Variants in TBCEL observed in about 807,000 individuals in gnomAD.
TBCEL encodes tubulin folding cofactor E like.
In TBCEL, 15 loss-of-function variants were observed where a neutral mutation model predicts 44.2. The observed-to-expected ratio is 0.34, with a 90% CI of 0.23 to 0.52. TBCEL has a LOEUF of 0.52. TBCEL is among the 20% of genes least tolerant of loss of function. The probability of loss-of-function intolerance (pLI) is 0.95; values close to 1 mark genes in which losing one functional copy is unlikely to be tolerated. For synonymous variants in TBCEL, 171 were observed against 185.4 expected, an observed-to-expected ratio of 0.92 and a Z score of 0.63; for missense variants, 319 against 506.3, an observed-to-expected ratio of 0.63 and a Z score of 3.55.
chr11:121,055,385 C>T, intron 6 of TBCEL, 77 bp downstream of exon 6: 2 of 1,374,100 alleles, frequency 1.5e-6, no homozygotes, highest in Non-Finnish European at 1.9e-6. Context: ...AAGTATATTT[C>T]TTTCAGTCAC....
chr11:121,045,859 G>T, intron 3 of TBCEL, 36 bp downstream of exon 3: 1 of 1,514,984 alleles, frequency 6.6e-7, no homozygotes, highest in Non-Finnish European at 8.8e-7. Context: ...TTATTTAGTG[G>T]AGCTTACTTA....
Position 121,027,075 on chromosome 11 carries a change from A to T in TBCEL, c.-126+2784A>T, listed in dbSNP as rs1456305712. Among the ~76,000 whole-genome samples the T allele has an allele frequency of 3.9e-5, 6 of 152,274 alleles. No homozygotes were observed. In the East Asian group the frequency reaches 1.2e-3, roughly 29 times the overall value. The stretch of plus-strand genomic sequence containing the variant: ...TTTTTTTCCTTTTCTTAGTGTGTGA[A>T]CTGTGTGACATGTATGTTGGCTACT... On this transcript the variant is annotated intron_variant, in intron 1 of 8. Transcript: ENST00000683345.
In TBCEL at chr11:121,060,011, T is replaced by C. The variant is rs1178453510; in HGVS notation, c.882T>C (p.Asp294=). The C allele has an allele frequency of 6.2e-7, 1 of 1,611,492 alleles. No individual in the cohort carries two copies. The highest frequency in any genetic ancestry group is 1.3e-5 in the African/African-American group (1 of 74,804). The part of the protein sequence containing the change: ...VSKLNGSVVT[D]GEREDSERFF... The stretch of plus-strand genomic sequence containing the variant: ...AACTTAATGGCAGCGTTGTTACTGA[T>C]GGTGAACGAGAAGATTCTGAGAGAT... The change falls in exon 8 of 9, where the codon GAT becomes GAC. Residue 294 remains aspartate (D), a synonymous_variant. Coordinates refer to ENST00000683345, the MANE Select transcript of TBCEL (RefSeq NM_001363644.2).
chr11:121,052,142 G>A, intron 4 of TBCEL, among the ~76,000 whole-genome samples: 1 of 151,650 alleles, frequency 6.6e-6, no homozygotes, highest in East Asian at 1.9e-4. Context: ...TGAGATAATG[G>A]TTCATATTAT....
chr11:121,074,982 A>C (rs930120579), intron 8 of TBCEL, among the ~76,000 whole-genome samples: 5 of 151,956 alleles, frequency 3.3e-5, no homozygotes, highest in African/African-American at 1.2e-4. Flanking sequence ...CAGAATCTTA[A>C]TGTGGATATT....
intron 6 of TBCEL, among the ~76,000 whole-genome samples, chr11:121,057,850 G>A (rs1591399440): frequency 6.6e-6 from 1 of 151,772 alleles, no homozygotes; most frequent in Non-Finnish European, 1.5e-5. Flanking sequence ...CCATGGATAC[G>A]AGGGACAGCT....
At chr11:121,028,913 C>T (rs1213361287) in intron 1 of TBCEL, among the ~76,000 whole-genome samples, 1 of 152,196 alleles carries the variant, frequency 6.6e-6, no homozygotes, top group Non-Finnish European at 1.5e-5. Flanking sequence ...CCCTTCATCT[C>T]CCCACTGATG....
rs536067692 is a variant in TBCEL at position 121,065,749 on chromosome 11, A to G, written c.956+5664A>G. Among the ~76,000 whole-genome samples, 65 of 152,326 alleles carry G rather than the reference A, an allele frequency of 4.3e-4. 1 individual carries two copies. The South Asian group carries it at 0.013, about 30-fold the overall frequency. On this transcript the variant is annotated intron_variant, in intron 8 of 8. Transcript: ENST00000683345. ...TAGTTTTGAATTCTTCATGCCCTGC[A>G]TATTGTTCTTTTCTCAACAGCACTC...
chr11:121,059,991 A>G lies in TBCEL; in HGVS notation c.862A>G (p.Asn288Asp). The change falls in exon 8 of 9, where the codon AAT becomes GAT. Residue 288 changes from asparagine to aspartate, a missense_variant. Physicochemically the swap from Asn to Asp is conservative, Grantham distance 23. Coordinates refer to ENST00000683345, the MANE Select transcript of TBCEL (RefSeq NM_001363644.2). ...IARLPSVSKL[N>D]GSVVTDGERE... ...TAGATTGCCATCAGTTTCCAAACTTAATGGCAGCGTTGTTACTGATGGTGA... is the reference window on the plus strand; with the variant it reads ...TAGATTGCCATCAGTTTCCAAACTTGATGGCAGCGTTGTTACTGATGGTGA... 1 of 1,610,656 alleles carries G rather than the reference A, an allele frequency of 6.2e-7. No individual in the cohort carries two copies. Among genetic ancestry groups the G allele is most frequent in the Non-Finnish European group, 8.5e-7 (1 of 1,177,960 alleles).
intron 2 of TBCEL, among the ~76,000 whole-genome samples, chr11:121,039,004 C>T (rs1945283684): frequency 1.3e-5 from 2 of 152,154 alleles, no homozygotes; most frequent in Admixed American, 6.5e-5. Flanking sequence ...CTCTATTCTG[C>T]ATAAAGATCA....
At chr11:121,057,475 AG>A (rs1945641963) in intron 6 of TBCEL, 2 of 344,214 alleles carry the variant, frequency 5.8e-6, no homozygotes. Flanking sequence ...TCAAAGGTTC[AG>A]GTTTTTTGTT....
Position 121,088,749 on chromosome 11 carries a change from G to C in TBCEL, c.*1653G>C, listed in dbSNP as rs896357295. The C allele has an allele frequency of 6.6e-6, 1 of 152,086 alleles. No homozygotes were observed. 9.4% of individuals were successfully genotyped at this position (152,086 alleles called of 1,614,324 possible). A position where few individuals can be genotyped will look rare whatever the true frequency, so the allele number is the denominator to read the frequency against. On this transcript the variant is annotated 3_prime_UTR_variant, in exon 9 of 9. Transcript: ENST00000683345. ...CTTTTTAAATTTTCCTGTGCCATGT[G>C]GCAGATGTTTATTCTCTTAATGCAC...
chr11:121,058,534 A>C lies in TBCEL; in HGVS notation c.839+63A>C, dbSNP rs940067562. On this transcript the variant is annotated intron_variant, in intron 7 of 8. Transcript: ENST00000683345. The stretch of plus-strand genomic sequence containing the variant: ...GCCTTATTGTTTCATTAAAGGAATA[A>C]TGCACTGTTTAGTGGGAGTGCACTA... The C allele has an allele frequency of 9.4e-6, 15 of 1,587,744 alleles. No individual in the cohort carries two copies. In the African/African-American group the frequency reaches 1.9e-4, roughly 20 times the overall value.
In TBCEL at chr11:121,036,533, GT is replaced by G. The variant is rs1342352334; in HGVS notation, c.-95del. The G allele has an allele frequency of 6.6e-6, 1 of 152,210 alleles. No homozygotes were observed. The highest frequency in any genetic ancestry group is 1.5e-5 in the Non-Finnish European group (1 of 68,032). The allele number at this position is 152,210 out of a possible 1,614,324, so 9.4% of individuals were successfully genotyped here. A position where few individuals can be genotyped will look rare whatever the true frequency, so the allele number is the denominator to read the frequency against. Reference sequence around the variant, plus strand: ...GTCTAATTTAATAGGGATATAGACAGTTGGTTTAAACCAACATTTTTGGACG... The same window carrying G: ...GTCTAATTTAATAGGGATATAGACAGTGGTTTAAACCAACATTTTTGGACG... On this transcript the variant is annotated 5_prime_UTR_variant, in exon 2 of 9. Transcript: ENST00000683345.
At chr11:121,038,404 G>A (rs1945272817) in intron 2 of TBCEL, among the ~76,000 whole-genome samples, 1 of 151,868 alleles carries the variant, frequency 6.6e-6, no homozygotes, top group African/African-American at 2.4e-5. Context: ...GTCTTTTTGG[G>A]GATACTCTTA....
chr11:121,060,161 C>A, intron 8 of TBCEL, 76 bp downstream of exon 8: 1 of 1,005,998 alleles, frequency 9.9e-7, no homozygotes, highest in Non-Finnish European at 1.5e-6. Context: ...AGAGCAAAAT[C>A]TAATCATTTG....
At chr11:121,059,287 A>T (rs549303335) in intron 7 of TBCEL, among the ~76,000 whole-genome samples, 1 of 152,122 alleles carries the variant, frequency 6.6e-6, no homozygotes, top group Admixed American at 6.6e-5. Context: ...TCTTTGAAGA[A>T]TACGTCTTGC....
At position 121,086,907 on chromosome 11, in the gene TBCEL, C is replaced by T. The variant is rs748457141; in HGVS notation, c.1086C>T (p.Asp362=). 3 of 1,613,902 alleles carry T rather than the reference C, an allele frequency of 1.9e-6. No individual in the cohort carries two copies. The highest frequency in any genetic ancestry group is 1.1e-5 in the South Asian group (1 of 91,084). Residue 362 remains aspartate (D), a synonymous_variant, in exon 9 of 9, where the codon GAC becomes GAT. Transcript: ENST00000683345. The part of the protein sequence containing the change: ...DQVEEMSIRL[D]QTVAELKKQL... ...TGGAAGAAATGAGCATTCGTCTGGA[C>T]CAAACAGTGGCAGAACTAAAGAAAC...
At chr11:121,082,344 T>C (rs1193057291) in intron 8 of TBCEL, among the ~76,000 whole-genome samples, 2 of 152,228 alleles carry the variant, frequency 1.3e-5, no homozygotes, top group Non-Finnish European at 2.9e-5. Context: ...CTCTTCTTTC[T>C]TATACTTTTC....
Sources: gnomAD v4.1 joint callset for allele counts (sites outside exome capture counted in the v4.1 genomes callset) on GRCh38, gnomAD v4.1.1 for gene constraint, MANE v1.5 for transcripts, NCBI Gene and HGNC (gene_info 2026-07-23, HGNC 2026-07-21) for gene names.